The following LRP1B variants were observed in gnomAD, a reference collection of about 807,000 sequenced individuals.
LRP1B encodes the protein low-density lipoprotein receptor-related protein 1B.
A neutral mutation model predicts 556.6 loss-of-function variants in LRP1B; 217 were observed. That is an observed-to-expected ratio of 0.39 (90% confidence interval 0.35 to 0.44). The LOEUF (loss-of-function observed/expected upper bound fraction) is 0.44. Among genes scored for constraint, LRP1B ranks in the 20% least tolerant of loss-of-function variants. The probability of loss-of-function intolerance (pLI) is 1.00; values close to 1 mark genes in which losing one functional copy is unlikely to be tolerated. For synonymous variants in LRP1B, 2,047 were observed against 1,865.8 expected (o/e 1.10, Z -2.50); for missense variants, 5,053 against 5,620.8 (o/e 0.90, Z 3.23).
intron 7 of LRP1B, among the ~76,000 whole-genome samples, chr2:141,160,735 G>T (rs2105110618): frequency 6.6e-6 from 1 of 152,154 alleles, no homozygotes; most frequent in East Asian, 1.9e-4. Flanking sequence ...CAGATCAGCA[G>T]TTGCCAGAAG....
At chr2:141,658,913 A>G (rs190098194) in intron 2 of LRP1B, among the ~76,000 whole-genome samples, 1 of 152,216 alleles carries the variant, frequency 6.6e-6, no homozygotes, top group Non-Finnish European at 1.5e-5. Context: ...TTATTTTTAT[A>G]TTTTATTTTA....
intron 84 of LRP1B, among the ~76,000 whole-genome samples, chr2:140,287,468 A>G (rs894333997): frequency 2.0e-5 from 3 of 151,740 alleles, no homozygotes; most frequent in Non-Finnish European, 4.4e-5. Context: ...GTTTCTGCCA[A>G]TAAGTTGATT....
intron 86 of LRP1B, among the ~76,000 whole-genome samples, chr2:140,248,571 AGTCT>A (rs2104902037): frequency 6.6e-6 from 1 of 151,790 alleles, no homozygotes; most frequent in South Asian, 2.1e-4. Context: ...CATAAGGCCA[AGTCT>A]ACGACTCTTG....
intron 2 of LRP1B, among the ~76,000 whole-genome samples, chr2:141,583,542 T>C (rs1461374845): frequency 1.3e-5 from 2 of 151,958 alleles, no homozygotes; most frequent in Non-Finnish European, 2.9e-5. Context: ...GAAATAAGAA[T>C]ACTGTTATCA....
intron 2 of LRP1B, among the ~76,000 whole-genome samples, chr2:141,548,626 T>C (rs896369618): frequency 1.3e-5 from 2 of 152,200 alleles, no homozygotes; most frequent in Non-Finnish European, 2.9e-5. Flanking sequence ...GGGTAGGATT[T>C]TTTTTGGTAC....
At chr2:141,455,081 A>G (rs554068595) in intron 3 of LRP1B, among the ~76,000 whole-genome samples, 22 of 152,262 alleles carry the variant, frequency 1.4e-4, no homozygotes, top group African/African-American at 5.1e-4. Flanking sequence ...TGTAATTGCC[A>G]AGAACTTTTG....
intron 35 of LRP1B, among the ~76,000 whole-genome samples, chr2:140,759,665 C>T (rs1688851260): frequency 6.6e-6 from 1 of 152,090 alleles, no homozygotes; most frequent in East Asian, 1.9e-4. Context: ...CTTTGGAGCA[C>T]CCTTTGTGGC....
chr2:141,088,812 C>T (rs1044382309), intron 7 of LRP1B, among the ~76,000 whole-genome samples: 15 of 152,092 alleles, frequency 9.9e-5, no homozygotes, highest in Admixed American at 7.2e-4. Context: ...TCCTTTAAAT[C>T]GATGTCAAAA....
intron 84 of LRP1B, among the ~76,000 whole-genome samples, chr2:140,285,973 A>G (rs1683132177): frequency 6.6e-6 from 1 of 151,820 alleles, no homozygotes. Context: ...TTAGATTCTT[A>G]ATTATACTTC....
intron 32 of LRP1B, among the ~76,000 whole-genome samples, chr2:140,786,658 GCATTGAAGAA>G (rs1475144035): frequency 6.6e-6 from 1 of 152,136 alleles, no homozygotes; most frequent in Non-Finnish European, 1.5e-5. Flanking sequence ...AAGATGGAGA[GCATTGAAGAA>G]CAAAGCCCAG....
At chr2:140,369,934 A>G (rs1300827256) in intron 71 of LRP1B, among the ~76,000 whole-genome samples, 1 of 152,000 alleles carries the variant, frequency 6.6e-6, no homozygotes, top group Non-Finnish European at 1.5e-5. Context: ...AAATCTATTG[A>G]GAGACTTTGT....
At chr2:140,501,478 T>C (rs766018638) in intron 55 of LRP1B, among the ~76,000 whole-genome samples, 16 of 151,892 alleles carry the variant, frequency 1.1e-4, no homozygotes, top group Non-Finnish European at 1.9e-4. Flanking sequence ...TGTAGAAAAA[T>C]GCTTCAATTT....
intron 2 of LRP1B, among the ~76,000 whole-genome samples, chr2:141,639,814 T>G (rs1689264288): frequency 6.6e-6 from 1 of 152,092 alleles, no homozygotes; most frequent in Non-Finnish European, 1.5e-5. Flanking sequence ...GAGGCAGGAT[T>G]TTTTTTACAC....
intron 1 of LRP1B, among the ~76,000 whole-genome samples, chr2:142,112,067 ATGC>A (rs1707008278): frequency 6.6e-6 from 1 of 152,090 alleles, no homozygotes; most frequent in Admixed American, 6.6e-5. Context: ...CTTTCCATCT[ATGC>A]TATGAATTCT....
chr2:141,959,653 T>C (rs1191853384), intron 1 of LRP1B, among the ~76,000 whole-genome samples: 1 of 151,996 alleles, frequency 6.6e-6, no homozygotes, highest in Non-Finnish European at 1.5e-5. Context: ...ATGTATTTTA[T>C]TTAATAAAAT....
intron 35 of LRP1B, among the ~76,000 whole-genome samples, chr2:140,763,310 G>A (rs567676429): frequency 6.6e-6 from 1 of 152,000 alleles, no homozygotes; most frequent in Admixed American, 6.6e-5. Flanking sequence ...GAGAAAGAGT[G>A]GTACATTCAA....
At chr2:141,060,530 T>C (rs1699306121) in intron 8 of LRP1B, among the ~76,000 whole-genome samples, 1 of 151,762 alleles carries the variant, frequency 6.6e-6, no homozygotes, top group Non-Finnish European at 1.5e-5. Flanking sequence ...CCTTTGCCAT[T>C]AGTCTCGTGC....
At chr2:140,616,578 T>C (rs938605556) in intron 41 of LRP1B, among the ~76,000 whole-genome samples, 3 of 151,250 alleles carry the variant, frequency 2.0e-5, no homozygotes, top group African/African-American at 7.3e-5. Flanking sequence ...CTGCACATAC[T>C]AAAGCCTAAG....
Position 140,828,941 on chromosome 2 carries a change from AGCCC to A in LRP1B, c.5209+11046_5209+11049del, listed in dbSNP as rs1691621074. Among the ~76,000 whole-genome samples the A allele has an allele frequency of 2.0e-5, 3 of 152,210 alleles. No homozygotes were observed. In the South Asian group the frequency reaches 6.2e-4, roughly 32 times the overall value. On this transcript the variant is annotated intron_variant, in intron 31 of 90. Transcript: ENST00000389484. Reference sequence around the variant, plus strand: ...TGAAAGTAAAGAGATGGAAGAAGATAGCCCATGTAAATAAAAATCAAAAGCAGAG... The same window carrying A: ...TGAAAGTAAAGAGATGGAAGAAGATAATGTAAATAAAAATCAAAAGCAGAG...
Sources: gnomAD v4.1 joint callset for allele counts (sites outside exome capture counted in the v4.1 genomes callset) on GRCh38, gnomAD v4.1.1 for gene constraint, MANE v1.5 for transcripts, NCBI Gene and HGNC (gene_info 2026-07-23, HGNC 2026-07-21) for gene names.